Variants in SUGCT observed in about 807,000 individuals in gnomAD.
SUGCT encodes the protein succinyl-CoA:glutarate CoA-transferase.
SUGCT carries 41 observed loss-of-function variants against 55.0 expected under a neutral mutation model. The observed-to-expected ratio is 0.74, with a 90% CI of 0.58 to 0.97. The LOEUF (loss-of-function observed/expected upper bound fraction) is 0.97, where lower values mean the gene tolerates loss of function less well. Ranked by LOEUF, SUGCT falls within the 50% of genes least tolerant of loss-of-function variation. The probability of loss-of-function intolerance (pLI) is 0.00; values close to 1 mark genes in which losing one functional copy is unlikely to be tolerated. For missense variants in SUGCT, 568 were observed against 547.8 expected (o/e 1.04, Z -0.37); for synonymous variants, 187 against 200.4 (o/e 0.93, Z 0.56).
At chr7:40,385,422 G>C (rs1167956366) in intron 9 of SUGCT, among the ~76,000 whole-genome samples, 1 of 152,126 alleles carries the variant, frequency 6.6e-6, no homozygotes, top group Non-Finnish European at 1.5e-5. Context: ...AGTGAGATGA[G>C]TACTTTAAGT....
intron 11 of SUGCT, among the ~76,000 whole-genome samples, chr7:40,478,933 G>A (rs1249643546): frequency 6.6e-6 from 1 of 151,994 alleles, no homozygotes; most frequent in Non-Finnish European, 1.5e-5. Flanking sequence ...AGGTCATATA[G>A]TATTTGTCTT....
intron 9 of SUGCT, among the ~76,000 whole-genome samples, chr7:40,393,811 T>C (rs1785574911): frequency 6.6e-6 from 1 of 152,148 alleles, no homozygotes; most frequent in Non-Finnish European, 1.5e-5. Context: ...TGTTAGACAG[T>C]CCAGTGATTA....
the SUGCT span, among the ~76,000 whole-genome samples, chr7:40,938,219 C>CATAAA: frequency 6.6e-6 from 1 of 152,112 alleles, no homozygotes; most frequent in Non-Finnish European, 1.5e-5. Context: ...GGCATGATTA[C>CATAAA]TTTATTTACA....
chr7:40,203,356 G>A (rs2150771201), intron 6 of SUGCT, among the ~76,000 whole-genome samples: 1 of 152,324 alleles, frequency 6.6e-6, no homozygotes, highest in Admixed American at 6.5e-5. Flanking sequence ...GAGAGAAGGA[G>A]TCTCTTTGCA....
At chr7:40,917,368 G>C in the SUGCT span, among the ~76,000 whole-genome samples, 1 of 152,266 alleles carries the variant, frequency 6.6e-6, no homozygotes, top group Non-Finnish European at 1.5e-5. Flanking sequence ...AGGGTAGTAG[G>C]TTACTCTTAT....
chr7:40,928,897 C>A, the SUGCT span, among the ~76,000 whole-genome samples: 1 of 152,146 alleles, frequency 6.6e-6, no homozygotes, highest in Non-Finnish European at 1.5e-5. Flanking sequence ...CCCTGCCCGG[C>A]AAAACTCTAC....
chr7:40,589,109 C>T (rs1321601098), intron 12 of SUGCT, among the ~76,000 whole-genome samples: 1 of 151,932 alleles, frequency 6.6e-6, no homozygotes, highest in African/African-American at 2.4e-5. Flanking sequence ...GCTTGTCACT[C>T]TGTTTAGTAA....
intron 12 of SUGCT, among the ~76,000 whole-genome samples, chr7:40,707,032 C>T (rs964775039): frequency 1.3e-5 from 2 of 152,146 alleles, no homozygotes; most frequent in African/African-American, 4.8e-5. Flanking sequence ...ACAAGAGCAT[C>T]TCTGTGTTAG....
chr7:40,265,363 T>C (rs1433464243), intron 7 of SUGCT, among the ~76,000 whole-genome samples: 1 of 152,206 alleles, frequency 6.6e-6, no homozygotes, highest in Non-Finnish European at 1.5e-5. Flanking sequence ...TTATTGAACA[T>C]ATGCCCAAAT....
chr7:40,804,340 G>A (rs894466996), intron 13 of SUGCT, among the ~76,000 whole-genome samples: 1 of 152,032 alleles, frequency 6.6e-6, no homozygotes, highest in South Asian at 2.1e-4. Flanking sequence ...TTTCATGAGG[G>A]CAGATACTTG....
At chr7:41,032,736 G>A in the SUGCT span, among the ~76,000 whole-genome samples, 23 of 151,982 alleles carry the variant, frequency 1.5e-4, no homozygotes, top group African/African-American at 5.6e-4. Context: ...TTTTCAGTGG[G>A]GTAAAAACAA....
intron 9 of SUGCT, among the ~76,000 whole-genome samples, chr7:40,403,358 T>G (rs1260919174): frequency 6.6e-6 from 1 of 152,178 alleles, no homozygotes; most frequent in Admixed American, 6.6e-5. Context: ...GAATGAAAGC[T>G]GAGTAGTATT....
intron 9 of SUGCT, among the ~76,000 whole-genome samples, chr7:40,329,325 G>C (rs111804017): frequency 5.9e-5 from 9 of 152,286 alleles, no homozygotes; most frequent in African/African-American, 2.2e-4. Flanking sequence ...TCATGTTGAT[G>C]TATAAGTATG....
At chr7:40,172,604 C>T (rs1457875022) in intron 1 of SUGCT, among the ~76,000 whole-genome samples, 3 of 152,190 alleles carry the variant, frequency 2.0e-5, no homozygotes, top group South Asian at 2.1e-4. Flanking sequence ...GGACCCAGGA[C>T]GTATGGGTCA....
chr7:40,793,572 T>C (rs980932339), intron 13 of SUGCT, among the ~76,000 whole-genome samples: 1 of 152,150 alleles, frequency 6.6e-6, no homozygotes, highest in African/African-American at 2.4e-5. Context: ...TTTGCTGTTA[T>C]TGTTTACTTG....
chr7:40,700,501 G>A (rs1009032194), intron 12 of SUGCT, among the ~76,000 whole-genome samples: 3 of 152,114 alleles, frequency 2.0e-5, no homozygotes, highest in Non-Finnish European at 4.4e-5. Context: ...GGGCAACAAC[G>A]CTGTTTATTT....
chr7:40,237,405 C>G (rs1323233337), intron 6 of SUGCT, among the ~76,000 whole-genome samples: 2 of 151,952 alleles, frequency 1.3e-5, no homozygotes, highest in Non-Finnish European at 2.9e-5. Context: ...GATCGAACCA[C>G]TACACTCCAC....
At chr7:40,483,779 A>C (rs1791186429) in intron 11 of SUGCT, among the ~76,000 whole-genome samples, 1 of 152,174 alleles carries the variant, frequency 6.6e-6, no homozygotes, top group South Asian at 2.1e-4. Context: ...AATTTCTCCA[A>C]CTGTGGGAAC....
chr7:41,017,164 G>A, the SUGCT span, among the ~76,000 whole-genome samples: 15,069 of 151,894 alleles, frequency 0.099, 1,580 homozygotes, highest in African/African-American at 0.26. Context: ...CAATACAGAC[G>A]TCTAAAGACC....
Sources: gnomAD v4.1 joint callset for allele counts (sites outside exome capture counted in the v4.1 genomes callset) on GRCh38, gnomAD v4.1.1 for gene constraint, MANE v1.5 for transcripts, NCBI Gene and HGNC (gene_info 2026-07-23, HGNC 2026-07-21) for gene names.